The following DHRS3 variants were observed in gnomAD, a reference collection of about 807,000 sequenced individuals.
DHRS3 encodes short-chain dehydrogenase/reductase 3.
A neutral mutation model predicts 27.2 loss-of-function variants in DHRS3; 14 were observed. The observed-to-expected ratio is 0.52, with a 90% CI of 0.34 to 0.81. The LOEUF (loss-of-function observed/expected upper bound fraction) is 0.81, where lower values mean the gene tolerates loss of function less well. Ranked by LOEUF, DHRS3 falls within the 30% of genes least tolerant of loss-of-function variation. DHRS3 has a pLI of 0.01. For missense variants in DHRS3, 322 were observed against 406.2 expected (o/e 0.79, Z 1.78); for synonymous variants, 165 against 175.9 (o/e 0.94, Z 0.49).
chr1:12,597,201 C>G (rs975304517), intron 1 of DHRS3, among the ~76,000 whole-genome samples: 1 of 152,148 alleles, frequency 6.6e-6, no homozygotes, highest in African/African-American at 2.4e-5. Flanking sequence ...CTCAGCCTCT[C>G]GAGTGCCTGG....
intron 1 of DHRS3, among the ~76,000 whole-genome samples, chr1:12,589,784 G>A (rs1197932642): frequency 6.6e-6 from 1 of 152,132 alleles, no homozygotes; most frequent in Admixed American, 6.5e-5. Context: ...AGGAGTTCAA[G>A]ATCAGCCTGG....
intron 3 of DHRS3, 144 bp from the exon 4 acceptor site, chr1:12,579,100 C>A (rs150007081): frequency 4.9e-5 from 62 of 1,253,964 alleles, no homozygotes; most frequent in Non-Finnish European, 6.8e-5. Flanking sequence ...CGAGGGCTCC[C>A]TGCCCCAGGA....
chr1:12,586,991 C>A lies in DHRS3; in HGVS notation c.196-6325G>T, dbSNP rs1356451095. ...TGCCTCTGATACACCCTCTTCACTG[C>A]CTCTGATACACCCTCTTCACTGCCT... On this transcript the variant is annotated intron_variant, in intron 1 of 5. Coordinates refer to ENST00000616661, the MANE Select transcript of DHRS3 (RefSeq NM_004753.7). This position sits in a 1 kb window ranked among gnomAD's most constrained non-coding sequence, Gnocchi z 5.0. Among the ~76,000 whole-genome samples the A allele has an allele frequency of 6.6e-6, 1 of 152,124 alleles. No individual in the cohort carries two copies. Among genetic ancestry groups the A allele is most frequent in the East Asian group, 1.9e-4 (1 of 5,196 alleles).
Position 12,568,312 on chromosome 1 carries a change from G to T in DHRS3, c.*28C>A, listed in dbSNP as rs780974631. 4.7e-5 allele frequency: 75 copies of T among 1,606,646 alleles called. No individual in the cohort carries two copies. The highest frequency in any genetic ancestry group is 6.1e-5 in the Non-Finnish European group (72 of 1,173,664). On this transcript the variant is annotated 3_prime_UTR_variant, in exon 6 of 6. Transcript: ENST00000616661. ...GGTGCTGTGGCCCCCAAACTCCGTG[G>T]CTCCTCAAGCATGTCTTCATCCTGT...
At position 12,617,442 on chromosome 1, in the gene DHRS3, A is replaced by T; in HGVS notation, c.-94T>A. 1 of 1,372,244 alleles carries T rather than the reference A, an allele frequency of 7.3e-7. No individual in the cohort carries two copies. Among genetic ancestry groups the T allele is most frequent in the Non-Finnish European group, 9.8e-7 (1 of 1,017,104 alleles). The allele number at this position is 1,372,244 out of a possible 1,614,324, so 85.0% of individuals were successfully genotyped here. A position where few individuals can be genotyped will look rare whatever the true frequency, so the allele number is the denominator to read the frequency against. On this transcript the variant is annotated 5_prime_UTR_variant, in exon 1 of 6. Coordinates refer to ENST00000616661, the MANE Select transcript of DHRS3 (RefSeq NM_004753.7). ...CCCCGAACAATAAATAGTAAACCGA[A>T]TAAGGAGGAGAGAGGCGTCCCACCT...
At chr1:12,597,923 A>C (rs879830986) in intron 1 of DHRS3, among the ~76,000 whole-genome samples, 2 of 152,234 alleles carry the variant, frequency 1.3e-5, no homozygotes, top group African/African-American at 4.8e-5. Flanking sequence ...CCAGGAAGCC[A>C]GCCCCAGCCA....
At chr1:12,575,575 A>T (rs1265952886) in intron 4 of DHRS3, among the ~76,000 whole-genome samples, 1 of 152,132 alleles carries the variant, frequency 6.6e-6, no homozygotes, top group African/African-American at 2.4e-5. Flanking sequence ...CTTCTGGCCG[A>T]GCCCTTGGGG....
intron 5 of DHRS3, 82 bp from the exon 6 acceptor site, chr1:12,568,506 C>T (rs1015451856): frequency 1.0e-5 from 14 of 1,363,678 alleles, no homozygotes; most frequent in South Asian, 4.7e-5. Flanking sequence ...CCATGTGAGA[C>T]GGGGCAGCAG....
chr1:12,614,405 C>T (rs1646930106), intron 1 of DHRS3, among the ~76,000 whole-genome samples: 3 of 151,984 alleles, frequency 2.0e-5, no homozygotes, highest in African/African-American at 7.3e-5. Flanking sequence ...GACCTTTACG[C>T]CTAGAAACCC....
At chr1:12,576,913 C>A (rs1646593436) in intron 4 of DHRS3, among the ~76,000 whole-genome samples, 1 of 150,784 alleles carries the variant, frequency 6.6e-6, no homozygotes, top group Non-Finnish European at 1.5e-5. Flanking sequence ...TGGGCTCAAG[C>A]CATCCTCCTG....
At chr1:12,610,102 A>T (rs541479454) in intron 1 of DHRS3, among the ~76,000 whole-genome samples, 1 of 152,212 alleles carries the variant, frequency 6.6e-6, no homozygotes, top group Non-Finnish European at 1.5e-5. Context: ...TTTTTGAGAC[A>T]GAGTCTCCCA....
chr1:12,568,568 C>T (rs1330786634), intron 5 of DHRS3, 144 bp from the exon 6 acceptor site: 2 of 716,402 alleles, frequency 2.8e-6, no homozygotes, highest in Non-Finnish European at 4.8e-6. Context: ...ACACCAGTTT[C>T]TCCCCAAACC....
At chr1:12,607,441 C>T (rs1371134727) in intron 1 of DHRS3, among the ~76,000 whole-genome samples, 4 of 152,154 alleles carry the variant, frequency 2.6e-5, no homozygotes, top group Admixed American at 2.0e-4. Flanking sequence ...GGAGCTCTCA[C>T]GTGATCTGAT....
At chr1:12,579,696 G>A (rs1557516147) in intron 2 of DHRS3, 1 of 317,530 alleles carries the variant, frequency 3.1e-6, no homozygotes, top group Non-Finnish European at 5.9e-6. Flanking sequence ...GGCTAATCTT[G>A]TTCTGACCTC....
chr1:12,606,017 A>G (rs1646867982), intron 1 of DHRS3, among the ~76,000 whole-genome samples: 1 of 151,808 alleles, frequency 6.6e-6, no homozygotes, highest in Non-Finnish European at 1.5e-5. Flanking sequence ...GTGCGCCTGT[A>G]GTCCCAGCTA....
rs761997409 is a variant in DHRS3, at chr1:12,592,649, G to A, written c.196-11983C>T. Among the ~76,000 whole-genome samples the A allele has an allele frequency of 1.1e-4, 16 of 152,158 alleles. No homozygotes were observed. Among genetic ancestry groups the A allele is most frequent in the Non-Finnish European group, 2.1e-4 (14 of 68,028 alleles). ...CCAGAAATGTGAGAGCAGCTTTGGT[G>A]TTTTGGGCCACACAGCTGGTGGTCA... On this transcript the variant is annotated intron_variant, in intron 1 of 5. Transcript: ENST00000616661. The surrounding 1 kb of genome is among the most constrained non-coding windows in gnomAD (Gnocchi z 4.2).
At position 12,617,480 on chromosome 1, in the gene DHRS3, A is replaced by T. The variant is rs924344322; in HGVS notation, c.-132T>A. On this transcript the variant is annotated 5_prime_UTR_variant, in exon 1 of 6. Transcript: ENST00000616661. ...AGGCGTCCCACCTGGCCACTCTTGA[A>T]ATCACCTCTTCCCAAATGCAAAGCA... 1.0e-5 allele frequency: 7 copies of T among 667,766 alleles called. No individual in the cohort carries two copies. The African/African-American group carries it at 1.4e-4, about 13-fold the overall frequency. The allele number at this position is 667,766 out of a possible 1,614,324, so 41.4% of individuals were successfully genotyped here.
intron 1 of DHRS3, among the ~76,000 whole-genome samples, chr1:12,604,801 C>T (rs559423076): frequency 5.3e-5 from 8 of 152,220 alleles, no homozygotes; most frequent in South Asian, 2.1e-4. Flanking sequence ...CTGTAATCCC[C>T]GCACTTTGGG....
chr1:12,598,752 T>G (rs990363550), intron 1 of DHRS3, among the ~76,000 whole-genome samples: 5 of 152,178 alleles, frequency 3.3e-5, no homozygotes, highest in African/African-American at 1.2e-4. Context: ...GTCTGTAGAC[T>G]TGAACTCGGC....
Sources: allele counts gnomAD v4.1 joint callset (sites outside exome capture counted in the v4.1 genomes callset), GRCh38; gene constraint gnomAD v4.1.1; non-coding constraint Gnocchi (gnomAD v3.1); transcripts MANE v1.5; gene names NCBI Gene and HGNC (gene_info 2026-07-23, HGNC 2026-07-21).